The following MTMR9 variants were observed in gnomAD, a reference collection of about 807,000 sequenced individuals.
MTMR9 encodes the protein myotubularin related protein 9, also known as myotubularin-related protein 9.
Under a neutral mutation model 69.5 loss-of-function variants are expected in MTMR9, and 39 were observed. The ratio of observed to expected loss-of-function variants is 0.56; its 90% CI spans 0.43 to 0.73. The LOEUF (loss-of-function observed/expected upper bound fraction) is 0.73. Among genes scored for constraint, MTMR9 ranks in the 30% least tolerant of loss-of-function variants. MTMR9 has a pLI of 0.00. For missense variants in MTMR9, 900 were observed against 671.2 expected (o/e 1.34, Z -3.77); for synonymous variants, 354 against 240.8 (o/e 1.47, Z -4.35).
downstream of MTMR9, chr8:11,332,186 C>CA (rs1423766764): frequency 5.0e-3 from 6,317 of 1,271,232 alleles, 4 homozygotes; most frequent in Non-Finnish European, 5.7e-3. Context: ...AGACTGAAGA[C>CA]AAAAAAAAAA....
intron 3 of MTMR9, 26 bp downstream of exon 3, chr8:11,300,174 A>C (rs778086332): frequency 3.8e-5 from 61 of 1,609,628 alleles, no homozygotes; most frequent in Non-Finnish European, 4.9e-5. Context: ...AGAACTGTGG[A>C]TTATGAGAAG....
intron 2 of MTMR9, among the ~76,000 whole-genome samples, chr8:11,298,378 GA>G: frequency 6.6e-6 from 1 of 151,682 alleles, no homozygotes; most frequent in African/African-American, 2.4e-5. Context: ...ATAGATGTAG[GA>G]AAAATATATA....
the MTMR9 span, among the ~76,000 whole-genome samples, chr8:11,337,634 G>T: frequency 2.6e-5 from 4 of 152,252 alleles, no homozygotes; most frequent in Non-Finnish European, 5.9e-5. Flanking sequence ...GGCCAGTAGT[G>T]TTGACATAGC....
chr8:11,304,731 A>T, intron 3 of MTMR9, 110 bp from the exon 4 acceptor site: 1 of 1,073,282 alleles, frequency 9.3e-7, no homozygotes, highest in Non-Finnish European at 1.4e-6. Flanking sequence ...ATTCCTGAGA[A>T]ATGGCTTCTT....
Position 11,304,813 on chromosome 8 carries a change from T to G in MTMR9, c.418-28T>G, listed in dbSNP as rs200290704. On this transcript the variant is annotated intron_variant, in intron 3 of 9. Coordinates refer to ENST00000221086, the MANE Select transcript of MTMR9 (RefSeq NM_015458.4). ...ATTTTGCGACATTGAGATAGTTGCT[T>G]AGCTTTGAAGTATTTTGTGTTTTTC... 3,051 of 1,604,254 alleles carry G rather than the reference T, an allele frequency of 1.9e-3. 6 individuals are homozygous for G. Among genetic ancestry groups the G allele is most frequent in the Non-Finnish European group, 2.3e-3 (2,755 of 1,174,124 alleles).
rs570260888 is a variant in MTMR9 at position 11,327,901 on chromosome 8, T to C, written c.*5113T>C. Reference sequence around the variant, plus strand: ...TGTAACATTTTAATATTGTTTGTAATATTCACTAGGTGATAATTTCCCCTG... The same window carrying C: ...TGTAACATTTTAATATTGTTTGTAACATTCACTAGGTGATAATTTCCCCTG... On this transcript the variant is annotated 3_prime_UTR_variant, in exon 10 of 10. Transcript: ENST00000221086. The C allele has an allele frequency of 2.0e-5, 3 of 152,558 alleles. No homozygotes were observed. The South Asian group carries it at 6.2e-4, about 32-fold the overall frequency. 9.5% of individuals were successfully genotyped at this position (152,558 alleles called of 1,614,324 possible).
At chr8:11,294,676 A>G (rs905624263) in intron 1 of MTMR9, 1 of 151,944 alleles carries the variant, frequency 6.6e-6, no homozygotes, top group African/African-American at 2.4e-5. Context: ...TTTTTAGCAG[A>G]GACAGAATTT....
In MTMR9 at chr8:11,323,630, C is replaced by T. The variant is rs993558422; in HGVS notation, c.*842C>T. ...TAGAATAGAGTTAATTTATTATAAT[C>T]AAGCTACAAATAGGTTTTCTTAAAC... On this transcript the variant is annotated 3_prime_UTR_variant, in exon 10 of 10. Transcript: ENST00000221086. The T allele has an allele frequency of 7.9e-5, 12 of 152,176 alleles. 1 individual carries two copies. The highest frequency in any genetic ancestry group is 7.9e-4 in the Admixed American group (12 of 15,282). The allele number at this position is 152,176 out of a possible 1,614,324, so 9.4% of individuals were successfully genotyped here.
At chr8:11,329,021 TTTG>T (rs1554507518), downstream of MTMR9, among the ~76,000 whole-genome samples, 1 of 152,234 alleles carries the variant, frequency 6.6e-6, no homozygotes, top group Non-Finnish European at 1.5e-5. Context: ...TTCCCAACAC[TTTG>T]TTGAAGAGAC....
At chr8:11,308,145 GT>G (rs1800043595) in intron 5 of MTMR9, among the ~76,000 whole-genome samples, 1 of 152,090 alleles carries the variant, frequency 6.6e-6, no homozygotes, top group African/African-American at 2.4e-5. Context: ...TTTTCCTTAT[GT>G]TTTCCTCTAA....
chr8:11,319,128 G>T (rs1310193636), intron 8 of MTMR9: 2 of 151,744 alleles, frequency 1.3e-5, no homozygotes, highest in Non-Finnish European at 2.9e-5. Context: ...ATTAGAAAGT[G>T]GTTATCAAAC....
intron 4 of MTMR9, 125 bp from the exon 5 acceptor site, chr8:11,306,065 T>G: frequency 1.4e-6 from 1 of 736,740 alleles, no homozygotes; most frequent in South Asian, 1.8e-5. Flanking sequence ...TGTTTATGGA[T>G]CAAATCCATC....
intron 2 of MTMR9, 50 bp downstream of exon 2, chr8:11,295,352 C>T (rs2117371717): frequency 2.1e-6 from 2 of 974,444 alleles, no homozygotes; most frequent in Non-Finnish European, 3.3e-6. Flanking sequence ...TATATTATGA[C>T]TCAGTGTAGC....
intron 1 of MTMR9, among the ~76,000 whole-genome samples, chr8:11,287,457 C>T (rs980344946): frequency 2.0e-5 from 3 of 151,688 alleles, no homozygotes; most frequent in African/African-American, 7.3e-5. Context: ...TATCCTTTTC[C>T]TGGGAAGCAG....
chr8:11,313,842 A>C (rs1800300712), intron 6 of MTMR9, among the ~76,000 whole-genome samples: 1 of 152,226 alleles, frequency 6.6e-6, no homozygotes, highest in Admixed American at 6.5e-5. Context: ...AAAAATTTTG[A>C]AATATTGTGA....
In MTMR9 at chr8:11,323,911, A is replaced by C. The variant is rs1048236094; in HGVS notation, c.*1123A>C. On this transcript the variant is annotated 3_prime_UTR_variant, in exon 10 of 10. Coordinates refer to ENST00000221086, the MANE Select transcript of MTMR9 (RefSeq NM_015458.4). ...ATAGCTCTGTGTTTTAAACCTCAGA[A>C]ACAGATTTGAGTGTTTCAGTATTAT... is the stretch of plus-strand genomic sequence containing the variant. 2.6e-5 allele frequency: 4 copies of C among 152,344 alleles called. No homozygotes were observed. The South Asian group carries it at 8.3e-4, about 32-fold the overall frequency. 9.4% of individuals were successfully genotyped at this position (152,344 alleles called of 1,614,324 possible).
At chr8:11,332,202 GAAA>G, downstream of MTMR9, 4 of 1,509,578 alleles carry the variant, frequency 2.6e-6, no homozygotes, top group Non-Finnish European at 3.5e-6. Context: ...AAAAATAAAA[GAAA>G]AAAAATAATT....
At chr8:11,287,724 T>A (rs1214980281) in intron 1 of MTMR9, among the ~76,000 whole-genome samples, 1 of 130,748 alleles carries the variant, frequency 7.6e-6, no homozygotes, top group Admixed American at 8.1e-5. Flanking sequence ...ATAATATATA[T>A]TATATATTAT....
intron 6 of MTMR9, 65 bp from the exon 7 acceptor site, chr8:11,314,858 T>C: frequency 6.5e-7 from 1 of 1,527,218 alleles, no homozygotes; most frequent in Admixed American, 1.7e-5. Context: ...ACGCTTGTTA[T>C]TAACAGAGTT....
Sources: allele counts gnomAD v4.1 joint callset (sites outside exome capture counted in the v4.1 genomes callset), GRCh38; gene constraint gnomAD v4.1.1; transcripts MANE v1.5; gene names NCBI Gene and HGNC (gene_info 2026-07-23, HGNC 2026-07-21).